STON1: variants seen among roughly 807,000 people sequenced by gnomAD.
STON1 encodes stonin 1, also known as stonin-1.
A neutral mutation model predicts 60.9 loss-of-function variants in STON1; 79 were observed. The ratio of observed to expected loss-of-function variants is 1.30; its 90% CI spans 1.08 to 1.56. The LOEUF is 1.56. Ranked by LOEUF, STON1 falls within the 40% of genes most tolerant of loss-of-function variation. The pLI, the probability that STON1 is intolerant of heterozygous loss-of-function variation, is 0.00. For missense variants in STON1, 1,166 were observed against 858.9 expected (o/e 1.36, Z -4.47); for synonymous variants, 363 against 306.9 (o/e 1.18, Z -1.91).
rs527299428 is a variant in STON1 at position 48,589,938 on chromosome 2, T to A, written c.1931-1715T>A. Among the ~76,000 whole-genome samples, 45 of 152,310 alleles carry A rather than the reference T, an allele frequency of 3.0e-4. 1 individual carries two copies. In the South Asian group the frequency reaches 9.1e-3, roughly 31 times the overall value. On this transcript the variant is annotated intron_variant, in intron 2 of 3. Coordinates refer to ENST00000404752, the MANE Select transcript of STON1 (RefSeq NM_006873.4). The stretch of plus-strand genomic sequence containing the variant: ...TGCTGTATGCATATGAACTGGTTAA[T>A]CCTCACAACAGCCCTTATAAGGTTC...
chr2:48,534,689 G>T (rs1200181349), intron 1 of STON1, among the ~76,000 whole-genome samples: 1 of 152,120 alleles, frequency 6.6e-6, no homozygotes, highest in East Asian at 1.9e-4. Flanking sequence ...AGGCTGAGCT[G>T]GGAGGATCAC....
chr2:48,575,400 T>A (rs1027025335), intron 1 of STON1, among the ~76,000 whole-genome samples: 1 of 152,114 alleles, frequency 6.6e-6, no homozygotes, highest in Non-Finnish European at 1.5e-5. Flanking sequence ...ACACCTGTAA[T>A]CCCAGCACTT....
intron 2 of STON1, among the ~76,000 whole-genome samples, chr2:48,584,927 GAC>G (rs1674120488): frequency 6.6e-6 from 1 of 152,176 alleles, no homozygotes; most frequent in South Asian, 2.1e-4. Context: ...TCAGGTGAGA[GAC>G]ACAGGCCTAG....
At chr2:48,588,289 A>G (rs755070121) in intron 2 of STON1, among the ~76,000 whole-genome samples, 10 of 152,224 alleles carry the variant, frequency 6.6e-5, no homozygotes, top group Non-Finnish European at 1.0e-4. Flanking sequence ...TTTAGAGAAC[A>G]TAAAGTTTTT....
chr2:48,585,999 C>G (rs1468661425), intron 2 of STON1, among the ~76,000 whole-genome samples: 1 of 152,270 alleles, frequency 6.6e-6, no homozygotes, highest in Non-Finnish European at 1.5e-5. Flanking sequence ...AGAGCACAGG[C>G]TCCCTTTGTA....
rs1553357117 is a variant in STON1, at chr2:48,554,714, T to TATTTATTTATTTATTTA, written c.-48+24498_-48+24499insATTTATTTATTTATTTA. Among the ~76,000 whole-genome samples, 261 of 60,492 alleles carry TATTTATTTATTTATTTA rather than the reference T, an allele frequency of 4.3e-3. 28 individuals carry two copies. The highest frequency in any genetic ancestry group is 0.014 in the African/African-American group (242 of 17,880). The allele number at this position is 60,492 out of a possible 152,430, so 39.7% of individuals were successfully genotyped here. ...TCAAACTTTAAGTGCAAAATTTTTT[T>TATTTATTTATTTATTTA]TTTTTTTTTTTATTTATTTATTTAT... On this transcript the variant is annotated intron_variant, in intron 1 of 3. Coordinates refer to ENST00000404752, the MANE Select transcript of STON1 (RefSeq NM_006873.4).
chr2:48,579,281 AGATGT>A (rs1673733305), intron 1 of STON1, among the ~76,000 whole-genome samples: 1 of 150,998 alleles, frequency 6.6e-6, no homozygotes, highest in Non-Finnish European at 1.5e-5. Flanking sequence ...CTGGGATTAT[AGATGT>A]GAGCCACTGC....
At chr2:48,580,023 C>T (rs1020313869) in intron 1 of STON1, among the ~76,000 whole-genome samples, 3 of 152,168 alleles carry the variant, frequency 2.0e-5, no homozygotes, top group African/African-American at 7.2e-5. Context: ...TCTCCTGACT[C>T]AGCTACCTGA....
rs1673882085 is a variant in STON1, at chr2:48,581,479, T to A, written c.846T>A (p.Ile282=). The change falls in exon 2 of 4, where the codon ATT becomes ATA. Residue 282 remains isoleucine, a synonymous_variant. Transcript: ENST00000404752. ...PKSGWSFMLR[I]PEKKNMMSSR... is the part of the protein sequence containing the mutation. ...CCGGATGGTCTTTCATGCTGAGAAT[T>A]CCTGAGAAGAAGAATATGATGTCTT... 1 of 1,614,092 alleles carries A rather than the reference T, an allele frequency of 6.2e-7. No individual in the cohort carries two copies. The highest frequency in any genetic ancestry group is 1.3e-5 in the African/African-American group (1 of 74,944).
At position 48,550,007 on chromosome 2, in the gene STON1, A is replaced by G. The variant is rs1672032089; in HGVS notation, c.-48+19791A>G. 2.6e-5 allele frequency among the ~76,000 whole-genome samples: 4 copies of G among 151,370 alleles called. No homozygotes were observed. The South Asian group carries it at 8.3e-4, about 31-fold the overall frequency. The stretch of plus-strand genomic sequence containing the variant: ...GTACTGGCTTGGGAAACCAGTTGTT[A>G]AGACATGGGACAGCAGGGCAGTGGC... On this transcript the variant is annotated intron_variant, in intron 1 of 3. Transcript: ENST00000404752.
chr2:48,548,161 T>C (rs1287607192), intron 1 of STON1, among the ~76,000 whole-genome samples: 1 of 152,244 alleles, frequency 6.6e-6, no homozygotes, highest in Non-Finnish European at 1.5e-5. Context: ...AGGGCCTTTC[T>C]AGGGACATGA....
In STON1 at chr2:48,596,809, C is replaced by T. The variant is rs988802317; in HGVS notation, c.*1507C>T. 1 of 152,056 alleles carries T rather than the reference C, an allele frequency of 6.6e-6. No individual in the cohort carries two copies. The highest frequency in any genetic ancestry group is 2.4e-5 in the African/African-American group (1 of 41,394). 9.4% of individuals were successfully genotyped at this position (152,056 alleles called of 1,614,324 possible). ...TATTTTACTGTAAAGGCAAAGAATG[C>T]AATAGGTGATGGTTGGTTGAAAGGA... On this transcript the variant is annotated 3_prime_UTR_variant, in exon 4 of 4. Coordinates refer to ENST00000404752, the MANE Select transcript of STON1 (RefSeq NM_006873.4).
At chr2:48,532,397 G>A (rs1671250738) in intron 1 of STON1, among the ~76,000 whole-genome samples, 1 of 148,158 alleles carries the variant, frequency 6.7e-6, no homozygotes, top group Non-Finnish European at 1.5e-5. Flanking sequence ...TAATTGATAG[G>A]CAAGTGTTGT....
At position 48,575,413 on chromosome 2, in the gene STON1, G is replaced by A. The variant is rs542864303; in HGVS notation, c.-47-5174G>A. On this transcript the variant is annotated intron_variant, in intron 1 of 3. Transcript: ENST00000404752. ...TCACACCTGTAATCCCAGCACTTTG[G>A]GAGGCCGAGGAGGGTGGATCACCTG... Among the ~76,000 whole-genome samples the A allele has an allele frequency of 5.9e-5, 9 of 152,170 alleles. No homozygotes were observed. The South Asian group carries it at 1.9e-3, about 32-fold the overall frequency.
Position 48,530,557 on chromosome 2 carries a change from C to G in STON1, c.-48+341C>G, listed in dbSNP as rs548730578. On this transcript the variant is annotated intron_variant, in intron 1 of 3. Coordinates refer to ENST00000404752, the MANE Select transcript of STON1 (RefSeq NM_006873.4). The stretch of plus-strand genomic sequence containing the variant: ...GGGGGCCGGGGCTCGTTCTCACCCG[C>G]GCGCGGCCCCTCGACCTCTCGGACC... 4 of 154,118 alleles carry G rather than the reference C, an allele frequency of 2.6e-5. No homozygotes were observed. In the South Asian group the frequency reaches 6.1e-4, roughly 24 times the overall value. 9.5% of individuals were successfully genotyped at this position (154,118 alleles called of 1,614,324 possible). A position where few individuals can be genotyped will look rare whatever the true frequency, so the allele number is the denominator to read the frequency against.
In STON1 at chr2:48,581,770, G is replaced by A; in HGVS notation, c.1137G>A (p.Gly379=). 3 of 1,613,922 alleles carry A rather than the reference G, an allele frequency of 1.9e-6. No individual in the cohort carries two copies. Among genetic ancestry groups the A allele is most frequent in the Non-Finnish European group, 2.5e-6 (3 of 1,179,990 alleles). Residue 379 remains glycine, a synonymous_variant, in exon 2 of 4, where the codon GGG becomes GGA. Transcript: ENST00000404752. Reference sequence around the variant, plus strand: ...ACATAGAGCAGATGCTGAAGTTGGGGTCCACATCGTACCATGACTTCCTTG... The same window carrying A: ...ACATAGAGCAGATGCTGAAGTTGGGATCCACATCGTACCATGACTTCCTTG... ...EPDIEQMLKL[G]STSYHDFLDF...
chr2:48,557,303 C>T (rs1162674951), intron 1 of STON1, among the ~76,000 whole-genome samples: 3 of 81,572 alleles, frequency 3.7e-5, no homozygotes, highest in Non-Finnish European at 5.2e-5. Flanking sequence ...GACGGGGTCT[C>T]GGCCGGGCAG....
intron 1 of STON1, among the ~76,000 whole-genome samples, chr2:48,550,533 A>C (rs1255163249): frequency 2.0e-5 from 3 of 149,058 alleles, no homozygotes; most frequent in Non-Finnish European, 4.4e-5. Flanking sequence ...ACATATTTAT[A>C]GTGTTTCTTA....
intron 1 of STON1, among the ~76,000 whole-genome samples, chr2:48,572,425 G>T (rs942758301): frequency 6.6e-6 from 1 of 152,186 alleles, no homozygotes; most frequent in Non-Finnish European, 1.5e-5. Context: ...TGGACAGTGA[G>T]GGGGTAGGAG....
Sources: gnomAD v4.1 joint callset for allele counts (sites outside exome capture counted in the v4.1 genomes callset) on GRCh38, gnomAD v4.1.1 for gene constraint, MANE v1.5 for transcripts, NCBI Gene and HGNC (gene_info 2026-07-23, HGNC 2026-07-21) for gene names.